GTF3C4: variants seen among roughly 807,000 people sequenced by gnomAD.
GTF3C4 encodes general transcription factor 3C polypeptide 4.
A neutral mutation model predicts 67.5 loss-of-function variants in GTF3C4; 28 were observed. The observed-to-expected ratio is 0.41, with a 90% CI of 0.31 to 0.57. The LOEUF (loss-of-function observed/expected upper bound fraction) is 0.57. GTF3C4 is among the 20% of genes least tolerant of loss of function. The pLI is 0.21. For missense variants in GTF3C4, 831 were observed against 1,033.2 expected (o/e 0.80, Z 2.68); for synonymous variants, 409 against 393.0 (o/e 1.04, Z -0.48).
At chr9:132,686,522 T>C (rs551107869) in intron 3 of GTF3C4, among the ~76,000 whole-genome samples, 1 of 152,296 alleles carries the variant, frequency 6.6e-6, no homozygotes, top group South Asian at 2.1e-4. Flanking sequence ...TTGGGAAACC[T>C]TCCCTGCAAC....
intron 4 of GTF3C4, 147 bp downstream of exon 4, chr9:132,687,474 T>A (rs1836049632): frequency 1.6e-6 from 1 of 616,404 alleles, no homozygotes; most frequent in Non-Finnish European, 3.0e-6. Flanking sequence ...CCCCTGCTGC[T>A]CTTTACGGTG....
Position 132,678,359 on chromosome 9 carries a change from C to A in GTF3C4, c.740C>A (p.Thr247Asn). 2 of 1,614,160 alleles carry A rather than the reference C, an allele frequency of 1.2e-6. No individual in the cohort carries two copies. The highest frequency in any genetic ancestry group is 1.7e-6 in the Non-Finnish European group (2 of 1,180,026). ...AEFQRRHSMQ[T>N]PVRMEWSGIC... The stretch of plus-strand genomic sequence containing the variant: ...TTTCAGAGGAGACACAGCATGCAGA[C>A]CCCAGTCAGAATGGAGTGGTCGGGC... The change falls in exon 2 of 5, where the codon ACC (threonine) becomes AAC (asparagine). Residue 247 changes from threonine (T) to asparagine (N), a missense_variant. Physicochemically the swap from Thr to Asn is moderately conservative, Grantham distance 65 (BLOSUM62 0). Coordinates refer to ENST00000372146, the MANE Select transcript of GTF3C4 (RefSeq NM_012204.4). This position sits in a 1 kb window ranked among gnomAD's most constrained non-coding sequence, Gnocchi z 6.5.
At position 132,678,330 on chromosome 9, in the gene GTF3C4, T is replaced by C. The variant is rs1264753690; in HGVS notation, c.711T>C (p.Ala237=). Residue 237 remains alanine (A), a synonymous_variant, in exon 2 of 5, where the codon GCT becomes GCC. Coordinates refer to ENST00000372146, the MANE Select transcript of GTF3C4 (RefSeq NM_012204.4). The surrounding 1 kb of genome is among the most constrained non-coding windows in gnomAD (Gnocchi z 6.5). ...CGGAAGGAAATCTCGGGGATTTTGC[T>C]GAGTTTCAGAGGAGACACAGCATGC... ...EAPEGNLGDF[A]EFQRRHSMQT... is the part of the protein sequence containing the mutation. 2.5e-6 allele frequency: 4 copies of C among 1,614,164 alleles called. No individual in the cohort carries two copies. Among genetic ancestry groups the C allele is most frequent in the East Asian group, 2.2e-5 (1 of 44,872 alleles).
chr9:132,678,659 T>C lies in GTF3C4; in HGVS notation c.1040T>C (p.Leu347Pro), dbSNP rs1400028180. ...CCCATAAAAATTCTTCCTGTCAATCTCAAAGCAGTCAAAGGCTATTTCACT... is the reference window on the plus strand; with the variant it reads ...CCCATAAAAATTCTTCCTGTCAATCCCAAAGCAGTCAAAGGCTATTTCACT... ...FGPIKILPVNLKAVKGYFTLR... is the reference protein window; with the variant it reads ...FGPIKILPVNPKAVKGYFTLR... The change falls in exon 2 of 5, where the codon CTC becomes CCC. Residue 347 changes from leucine (L) to proline (P), a missense_variant. By Grantham distance (98) the Leu-to-Pro change is moderately conservative. Transcript: ENST00000372146. This position sits in a 1 kb window ranked among gnomAD's most constrained non-coding sequence, Gnocchi z 6.5. 2.5e-6 allele frequency: 4 copies of C among 1,614,112 alleles called. No individual in the cohort carries two copies. The highest frequency in any genetic ancestry group is 2.7e-5 in the African/African-American group (2 of 75,056).
At chr9:132,684,896 T>A (rs1245078898) in intron 3 of GTF3C4, among the ~76,000 whole-genome samples, 2 of 152,202 alleles carry the variant, frequency 1.3e-5, no homozygotes, top group African/African-American at 2.4e-5. Context: ...CTATTTAATA[T>A]ATTTTTTCCT....
At chr9:132,686,100 A>G (rs1836023279) in intron 3 of GTF3C4, among the ~76,000 whole-genome samples, 1 of 143,016 alleles carries the variant, frequency 7.0e-6, no homozygotes, top group Non-Finnish European at 1.5e-5. Flanking sequence ...TATGGGGAGC[A>G]TCATGATTAC....
chr9:132,679,855 G>A lies in GTF3C4; in HGVS notation c.2184+52G>A. On this transcript the variant is annotated intron_variant, in intron 2 of 4. Coordinates refer to ENST00000372146, the MANE Select transcript of GTF3C4 (RefSeq NM_012204.4). The surrounding 1 kb of genome is among the most constrained non-coding windows in gnomAD (Gnocchi z 5.9). The stretch of plus-strand genomic sequence containing the variant: ...AAATTGTAAAGCCTGCTTTCTTCAT[G>A]AGAAAGAAATGACCTAAATTGAGTT... The A allele has an allele frequency of 6.7e-7, 1 of 1,483,132 alleles. No homozygotes were observed. 91.9% of individuals were successfully genotyped at this position (1,483,132 alleles called of 1,614,324 possible).
Position 132,678,656 on chromosome 9 carries a change from A to C in GTF3C4, c.1037A>C (p.Asn346Thr). Residue 346 changes from asparagine to threonine, a missense_variant, in exon 2 of 5, where the codon AAT becomes ACT. Physicochemically the swap from Asn to Thr is moderately conservative, Grantham distance 65. Around this residue, in one of 4 missense-constraint regions of GTF3C4, gnomAD observed 390 missense variants for 540.3 expected, o/e 0.72. Coordinates refer to ENST00000372146, the MANE Select transcript of GTF3C4 (RefSeq NM_012204.4). This position sits in a 1 kb window ranked among gnomAD's most constrained non-coding sequence, Gnocchi z 6.5. The part of the protein sequence containing the change: ...AFGPIKILPV[N>T]LKAVKGYFTL... ...GGACCCATAAAAATTCTTCCTGTCA[A>C]TCTCAAAGCAGTCAAAGGCTATTTC... 1 of 1,614,124 alleles carries C rather than the reference A, an allele frequency of 6.2e-7. No individual in the cohort carries two copies. The highest frequency in any genetic ancestry group is 8.5e-7 in the Non-Finnish European group (1 of 1,179,994).
chr9:132,673,981 G>A (rs1311587764), intron 1 of GTF3C4, among the ~76,000 whole-genome samples: 1 of 152,148 alleles, frequency 6.6e-6, no homozygotes, highest in African/African-American at 2.4e-5. Flanking sequence ...GATAATATTT[G>A]TGTACCGAAT....
intron 2 of GTF3C4, 41 bp from the exon 3 acceptor site, chr9:132,683,522 T>C (rs1166415409): frequency 1.9e-6 from 3 of 1,562,060 alleles, no homozygotes; most frequent in African/African-American, 2.8e-5. Flanking sequence ...CAGGAAATCC[T>C]GCACTTACAC....
Position 132,694,053 on chromosome 9 carries a change from G to C in GTF3C4, c.*5108G>C, listed in dbSNP as rs770539933. On this transcript the variant is annotated 3_prime_UTR_variant, in exon 5 of 5. Transcript: ENST00000372146. ...ATCTAAAAACATAAGGTTTTGGAAAGGAGATGCTTTTTCAATTCTTACCAT... is the reference window on the plus strand; with the variant it reads ...ATCTAAAAACATAAGGTTTTGGAAACGAGATGCTTTTTCAATTCTTACCAT... The C allele has an allele frequency of 6.6e-6, 1 of 152,044 alleles. No homozygotes were observed. Among genetic ancestry groups the C allele is most frequent in the Non-Finnish European group, 1.5e-5 (1 of 68,008 alleles). The allele number at this position is 152,044 out of a possible 1,614,324, so 9.4% of individuals were successfully genotyped here.
intron 2 of GTF3C4, among the ~76,000 whole-genome samples, chr9:132,680,635 G>A (rs1370679252): frequency 6.6e-6 from 1 of 152,164 alleles, no homozygotes; most frequent in Non-Finnish European, 1.5e-5. Context: ...ATTAATTGAA[G>A]GCAGTATCCT....
rs146657712 is a variant in GTF3C4 at position 132,678,319 on chromosome 9, G to A, written c.700G>A (p.Gly234Arg). 12,028 of 1,614,148 alleles carry A rather than the reference G, an allele frequency of 7.5e-3. 52 individuals carry two copies. Among genetic ancestry groups the A allele is most frequent in the Non-Finnish European group, 9.2e-3 (10,833 of 1,180,022 alleles). ...AAATGAGGCCCCGGAAGGAAATCTC[G>A]GGGATTTTGCTGAGTTTCAGAGGAG... is the stretch of plus-strand genomic sequence containing the variant. ...SKNEAPEGNL[G>R]DFAEFQRRHS... Residue 234 changes from glycine (G) to arginine (R), a missense_variant, in exon 2 of 5, where the codon GGG (glycine) becomes AGG (arginine). This residue lies in a region of GTF3C4 where 390 missense variants were observed against 540.3 expected (regional missense o/e 0.72). Coordinates refer to ENST00000372146, the MANE Select transcript of GTF3C4 (RefSeq NM_012204.4). This position sits in a 1 kb window ranked among gnomAD's most constrained non-coding sequence, Gnocchi z 6.5.
chr9:132,678,545 G>A lies in GTF3C4; in HGVS notation c.926G>A (p.Gly309Glu). 6.2e-7 allele frequency: 1 copy of A among 1,614,130 alleles called. No homozygotes were observed. The highest frequency in any genetic ancestry group is 1.1e-5 in the South Asian group (1 of 91,080). Residue 309 changes from glycine to glutamate, a missense_variant, in exon 2 of 5, where the codon GGA (glycine) becomes GAA (glutamate). Gly to Glu is a moderately conservative substitution (Grantham distance 98). Around this residue, in one of 4 missense-constraint regions of GTF3C4, gnomAD observed 390 missense variants for 540.3 expected, o/e 0.72. Transcript: ENST00000372146. The surrounding 1 kb of genome is among the most constrained non-coding windows in gnomAD (Gnocchi z 6.5). ...SISSCNTIES[G>E]ITSPSVLFWW... ...TCTTCATGCAACACAATTGAGTCAGGAATCACCTCTCCCAGTGTATTGTTT... is the reference window on the plus strand; with the variant it reads ...TCTTCATGCAACACAATTGAGTCAGAAATCACCTCTCCCAGTGTATTGTTT...
chr9:132,687,577 G>C (rs1836051504), intron 4 of GTF3C4, among the ~76,000 whole-genome samples: 3 of 152,204 alleles, frequency 2.0e-5, no homozygotes, highest in Admixed American at 1.3e-4. Context: ...TGTCTGCGTT[G>C]CTATTCTGTC....
At chr9:132,674,536 G>C (rs1455102136) in intron 1 of GTF3C4, among the ~76,000 whole-genome samples, 1 of 152,196 alleles carries the variant, frequency 6.6e-6, no homozygotes. Flanking sequence ...CCGTGCTGCT[G>C]CTTTGGGTTA....
intron 1 of GTF3C4, among the ~76,000 whole-genome samples, chr9:132,671,799 T>C (rs1392997337): frequency 1.3e-5 from 2 of 152,186 alleles, no homozygotes; most frequent in African/African-American, 4.8e-5. Flanking sequence ...TAAAGCAGTG[T>C]ACAAAACAGA....
Position 132,693,850 on chromosome 9 carries a change from A to G in GTF3C4, c.*4905A>G, listed in dbSNP as rs1233446833. The G allele has an allele frequency of 6.6e-6, 1 of 152,212 alleles. No individual in the cohort carries two copies. The highest frequency in any genetic ancestry group is 1.5e-5 in the Non-Finnish European group (1 of 68,034). The allele number at this position is 152,212 out of a possible 1,614,324, so 9.4% of individuals were successfully genotyped here. A position where few individuals can be genotyped will look rare whatever the true frequency, so the allele number is the denominator to read the frequency against. On this transcript the variant is annotated 3_prime_UTR_variant, in exon 5 of 5. Transcript: ENST00000372146. The stretch of plus-strand genomic sequence containing the variant: ...GGCTTTGACTCAGATTTGTACTTTG[A>G]TGTATGAAAGTGAATATCAAACTTG...
Position 132,678,474 on chromosome 9 carries a change from C to T in GTF3C4, c.855C>T (p.Ile285=), listed in dbSNP as rs917233729. 3 of 1,614,038 alleles carry T rather than the reference C, an allele frequency of 1.9e-6. No homozygotes were observed. The highest frequency in any genetic ancestry group is 1.7e-5 in the Admixed American group (1 of 60,004). Reference sequence around the variant, plus strand: ...CTGTCCTCTTTGAAAACGGTAATATCGCCGTGTGGCAGTTTCAGCTGCCGT... The same window carrying T: ...CTGTCCTCTTTGAAAACGGTAATATTGCCGTGTGGCAGTTTCAGCTGCCGT... The part of the protein sequence containing the change: ...LLAVLFENGN[I]AVWQFQLPFV... Residue 285 remains isoleucine (I), a synonymous_variant, in exon 2 of 5, where the codon ATC becomes ATT. Transcript: ENST00000372146. The surrounding 1 kb of genome is among the most constrained non-coding windows in gnomAD (Gnocchi z 6.5).
Sources: gnomAD v4.1 joint callset for allele counts (sites outside exome capture counted in the v4.1 genomes callset) on GRCh38, gnomAD v4.1.1 for gene constraint, gnomAD v4.1.1 regional missense constraint, Gnocchi (gnomAD v3.1) non-coding constraint, MANE v1.5 for transcripts, NCBI Gene and HGNC (gene_info 2026-07-23, HGNC 2026-07-21) for gene names.